Variants in CDH13 observed in about 807,000 individuals in gnomAD.
CDH13 encodes cadherin 13.
CDH13 carries 24 observed loss-of-function variants against 63.8 expected under a neutral mutation model. That is an observed-to-expected ratio of 0.38 (90% CI 0.27 to 0.53). CDH13 has a LOEUF of 0.53. Among genes scored for constraint, CDH13 ranks in the 20% least tolerant of loss-of-function variants. The pLI is 0.85. For missense variants in CDH13, 1,049 were observed against 903.1 expected, an observed-to-expected ratio of 1.16 and a Z score of -2.07; for synonymous variants, 503 against 355.3, an observed-to-expected ratio of 1.42 and a Z score of -4.67.
intron 1 of CDH13, among the ~76,000 whole-genome samples, chr16:82,816,786 C>T (rs2037735117): frequency 7.2e-6 from 1 of 139,244 alleles, no homozygotes; most frequent in African/African-American, 2.8e-5. Context: ...ATCATCACTA[C>T]CACCTGCTAG....
At chr16:82,905,822 G>T (rs1039857879) in intron 2 of CDH13, among the ~76,000 whole-genome samples, 1 of 152,152 alleles carries the variant, frequency 6.6e-6, no homozygotes. Flanking sequence ...GGCATGTCTC[G>T]ATTAGGACGA....
At chr16:83,282,397 A>G (rs945454220) in intron 5 of CDH13, among the ~76,000 whole-genome samples, 1 of 152,250 alleles carries the variant, frequency 6.6e-6, no homozygotes, top group African/African-American at 2.4e-5. Flanking sequence ...GCTGAAAAGT[A>G]GAATAAAAGC....
At chr16:83,729,976 G>C (rs1910858300) in intron 10 of CDH13, among the ~76,000 whole-genome samples, 1 of 152,150 alleles carries the variant, frequency 6.6e-6, no homozygotes, top group Non-Finnish European at 1.5e-5. Flanking sequence ...TGTGAGAAGG[G>C]GGCAGCGAGC....
At chr16:82,757,102 C>A (rs1395448533) in intron 1 of CDH13, among the ~76,000 whole-genome samples, 2 of 152,272 alleles carry the variant, frequency 1.3e-5, no homozygotes, top group East Asian at 3.9e-4. Context: ...TCTCTTCCCA[C>A]ACAACTCTTA....
intron 11 of CDH13, among the ~76,000 whole-genome samples, chr16:83,764,568 T>A (rs1368677127): frequency 6.6e-6 from 1 of 152,128 alleles, no homozygotes; most frequent in Admixed American, 6.5e-5. Flanking sequence ...CATTGCCATC[T>A]ACCCAGTCCT....
chr16:82,679,226 C>A (rs2150957897), intron 1 of CDH13, among the ~76,000 whole-genome samples: 1 of 152,208 alleles, frequency 6.6e-6, no homozygotes, highest in Non-Finnish European at 1.5e-5. Flanking sequence ...AGGAAGAATG[C>A]AGAAATACGG....
chr16:83,443,900 A>T (rs1357359359), intron 6 of CDH13, among the ~76,000 whole-genome samples: 1 of 147,984 alleles, frequency 6.8e-6, no homozygotes, highest in Non-Finnish European at 1.5e-5. Flanking sequence ...GCACCACTGC[A>T]CTCCAGCCTG....
intron 3 of CDH13, among the ~76,000 whole-genome samples, chr16:83,100,430 G>A (rs1265975152): frequency 6.6e-6 from 1 of 152,318 alleles, no homozygotes; most frequent in East Asian, 1.9e-4. Context: ...GATGCTCAGA[G>A]AAGGGTGGTG....
intron 6 of CDH13, among the ~76,000 whole-genome samples, chr16:83,373,594 T>C (rs1325807310): frequency 6.6e-6 from 1 of 152,108 alleles, no homozygotes; most frequent in African/African-American, 2.4e-5. Flanking sequence ...GATACAGGTG[T>C]TGGAGAGAGG....
intron 6 of CDH13, among the ~76,000 whole-genome samples, chr16:83,453,254 A>G (rs2072930466): frequency 6.6e-6 from 1 of 152,180 alleles, no homozygotes; most frequent in African/African-American, 2.4e-5. Context: ...AAGACTACAA[A>G]TTGAGTTCAG....
chr16:83,511,003 A>C (rs1233000516), intron 7 of CDH13, among the ~76,000 whole-genome samples: 1 of 152,256 alleles, frequency 6.6e-6, no homozygotes, highest in Non-Finnish European at 1.5e-5. Context: ...CATTGGTATT[A>C]CCATCTTCCC....
chr16:83,073,215 G>A (rs1311641088), intron 3 of CDH13, among the ~76,000 whole-genome samples: 1 of 152,050 alleles, frequency 6.6e-6, no homozygotes, highest in Non-Finnish European at 1.5e-5. Context: ...CAGGTCGTCT[G>A]GTTCCAGAGC....
chr16:83,414,013 T>C (rs1372017808), intron 6 of CDH13, among the ~76,000 whole-genome samples: 2 of 152,098 alleles, frequency 1.3e-5, no homozygotes, highest in Non-Finnish European at 2.9e-5. Flanking sequence ...AAAAATACTC[T>C]TCTCTCTTGT....
At chr16:83,216,398 A>ATATATATATATG (rs1491288851) in intron 4 of CDH13, among the ~76,000 whole-genome samples, 545 of 29,098 alleles carry the variant, frequency 0.019, 65 homozygotes, top group Non-Finnish European at 0.024. Flanking sequence ...CAGCATTGAA[A>ATATATATATATG]TATATATATA....
At chr16:82,946,712 C>A (rs573845323) in intron 2 of CDH13, among the ~76,000 whole-genome samples, 2 of 146,450 alleles carry the variant, frequency 1.4e-5, no homozygotes, top group African/African-American at 5.2e-5. Flanking sequence ...CAGAATGAAA[C>A]TCTGTCTCAA....
At chr16:83,367,231 G>A (rs1420702305) in intron 6 of CDH13, among the ~76,000 whole-genome samples, 3 of 152,042 alleles carry the variant, frequency 2.0e-5, no homozygotes, top group Non-Finnish European at 4.4e-5. Flanking sequence ...GCAATATGTG[G>A]CCTTTTGTGT....
At chr16:83,418,128 A>G (rs983293543) in intron 6 of CDH13, among the ~76,000 whole-genome samples, 1 of 152,176 alleles carries the variant, frequency 6.6e-6, no homozygotes, top group Non-Finnish European at 1.5e-5. Flanking sequence ...TGATTTTGCT[A>G]TTCATTAGCT....
At chr16:83,259,644 T>C (rs534157478) in intron 5 of CDH13, among the ~76,000 whole-genome samples, 88 of 152,308 alleles carry the variant, frequency 5.8e-4, no homozygotes, top group African/African-American at 2.0e-3. Context: ...GTCTCAAATT[T>C]TTTTTTATTT....
At chr16:83,097,305 C>G (rs1049749134) in intron 3 of CDH13, among the ~76,000 whole-genome samples, 2 of 152,202 alleles carry the variant, frequency 1.3e-5, no homozygotes, top group East Asian at 1.9e-4. Context: ...TATAATGCTG[C>G]TCTTGCCTCA....
Sources: gnomAD v4.1 joint callset for allele counts (sites outside exome capture counted in the v4.1 genomes callset) on GRCh38, gnomAD v4.1.1 for gene constraint, MANE v1.5 for transcripts, NCBI Gene and HGNC (gene_info 2026-07-23, HGNC 2026-07-21) for gene names.